The following MAGED1 variants were observed in gnomAD, a reference collection of about 807,000 sequenced individuals.
The protein encoded by MAGED1 is MAGE family member D1.
MAGED1 carries 3 observed loss-of-function variants against 54.1 expected under a neutral mutation model. The observed-to-expected ratio is 0.06, with a 90% confidence interval of 0.03 to 0.14. The LOEUF (loss-of-function observed/expected upper bound fraction) is 0.14, where lower values mean the gene tolerates loss of function less well. Ranked by LOEUF, MAGED1 falls within the 10% of genes least tolerant of loss-of-function variation. The pLI, the probability that MAGED1 is intolerant of heterozygous loss-of-function variation, is 1.00. For synonymous variants in MAGED1, 217 were observed against 227.3 expected, an observed-to-expected ratio of 0.95 and a Z score of 0.41; for missense variants, 485 against 623.4, an observed-to-expected ratio of 0.78 and a Z score of 2.36.
chrX:51,853,906 C>T lies in MAGED1; in HGVS notation c.-36-40363C>T, dbSNP rs1209573147. Reference sequence around the variant, plus strand: ...TGTTTCTTCTGTTTTATAGAGGACACATCTGATGCTCAGAAAAGTACAAAT... The same window carrying T: ...TGTTTCTTCTGTTTTATAGAGGACATATCTGATGCTCAGAAAAGTACAAAT... On this transcript the variant is annotated intron_variant, in intron 1 of 12. Transcript: ENST00000375772. Among the ~76,000 whole-genome samples, 4 of 112,055 alleles carry T rather than the reference C, an allele frequency of 3.6e-5. No individual in the cohort carries two copies. In the Admixed American group the frequency reaches 3.8e-4, roughly 11 times the overall value.
chrX:51,883,105 A>G lies in MAGED1; in HGVS notation c.-36-11164A>G, dbSNP rs186872628. Among the ~76,000 whole-genome samples, 365 of 111,585 alleles carry G rather than the reference A, an allele frequency of 3.3e-3. 2 individuals carry two copies. The highest frequency in any genetic ancestry group is 5.8e-3 in the Non-Finnish European group (309 of 53,151). On this transcript the variant is annotated intron_variant, in intron 1 of 12. Coordinates refer to the MAGED1 transcript ENST00000375772. ...GAGACTTCCACCCTTGCCAGCCTGT[A>G]ATAAGACCTCTAGTTCCCTGATAGA...
At chrX:51,888,266 T>C (rs1928310907) in intron 1 of MAGED1, among the ~76,000 whole-genome samples, 1 of 111,780 alleles carries the variant, frequency 8.9e-6, no homozygotes, top group African/African-American at 3.3e-5. Flanking sequence ...CCCATGAATA[T>C]ATATACCTAC....
chrX:51,812,973 T>G (rs781894182), intron 1 of MAGED1, among the ~76,000 whole-genome samples: 6 of 106,127 alleles, frequency 5.7e-5, no homozygotes, highest in Non-Finnish European at 1.2e-4. Context: ...GTATATATAA[T>G]AAAGAATCTC....
intron 1 of MAGED1, among the ~76,000 whole-genome samples, chrX:51,849,644 G>T (rs1019227415): frequency 9.0e-6 from 1 of 111,426 alleles, no homozygotes; most frequent in Non-Finnish European, 1.9e-5. Context: ...TATTGGTTGT[G>T]CCAGGTGTAT....
At chrX:51,845,604 A>G (rs1404164112) in intron 1 of MAGED1, among the ~76,000 whole-genome samples, 3 of 111,524 alleles carry the variant, frequency 2.7e-5, no homozygotes, top group Admixed American at 9.5e-5. Context: ...AGGATCCTTT[A>G]TATCTAGAGC....
At chrX:51,841,258 C>G (rs1926465252) in intron 1 of MAGED1, among the ~76,000 whole-genome samples, 1 of 111,120 alleles carries the variant, frequency 9.0e-6, no homozygotes, top group Non-Finnish European at 1.9e-5. Flanking sequence ...TGTTCATATC[C>G]TTCGCCCACT....
intron 1 of MAGED1, among the ~76,000 whole-genome samples, chrX:51,861,242 T>G (rs1311861218): frequency 8.9e-6 from 1 of 111,753 alleles, no homozygotes; most frequent in African/African-American, 3.3e-5. Flanking sequence ...TTGAATTTTT[T>G]TATTATAGTA....
chrX:51,831,592 G>A (rs965599066), intron 1 of MAGED1, among the ~76,000 whole-genome samples: 5 of 111,966 alleles, frequency 4.5e-5, no homozygotes, highest in African/African-American at 1.6e-4. Flanking sequence ...CAGCCTGGGC[G>A]ACAGAGTCAG....
At chrX:51,807,972 A>G (rs1359778258) in intron 1 of MAGED1, among the ~76,000 whole-genome samples, 2 of 111,830 alleles carry the variant, frequency 1.8e-5, no homozygotes, top group Non-Finnish European at 3.8e-5. Context: ...GATACCATCT[A>G]ACAGATCAGT....
Position 51,837,203 on chromosome X carries a change from C to T in MAGED1, c.-37+34086C>T, listed in dbSNP as rs782663255. Among the ~76,000 whole-genome samples the T allele has an allele frequency of 5.4e-5, 6 of 112,047 alleles. No individual in the cohort carries two copies. The East Asian group carries it at 1.4e-3, about 26-fold the overall frequency. On this transcript the variant is annotated intron_variant, in intron 1 of 12. Coordinates refer to the MAGED1 transcript ENST00000375772. Reference sequence around the variant, plus strand: ...AATAATTTGCTTTTTAATTTTTCAACAAGTTGGGTAAATGGTCCCTGTTAT... The same window carrying T: ...AATAATTTGCTTTTTAATTTTTCAATAAGTTGGGTAAATGGTCCCTGTTAT...
At chrX:51,822,621 T>C (rs782375808) in intron 1 of MAGED1, among the ~76,000 whole-genome samples, 10 of 110,993 alleles carry the variant, frequency 9.0e-5, no homozygotes, top group Admixed American at 7.7e-4. Context: ...GCTAGGGTCA[T>C]TGTTTTAGAT....
intron 1 of MAGED1, among the ~76,000 whole-genome samples, chrX:51,861,929 G>T: frequency 9.0e-6 from 1 of 111,536 alleles, no homozygotes. Context: ...TGATCTGCTC[G>T]CCTTGGCCTC....
At chrX:51,811,643 G>C (rs1925223915) in intron 1 of MAGED1, among the ~76,000 whole-genome samples, 1 of 111,656 alleles carries the variant, frequency 9.0e-6, no homozygotes. Context: ...AGGTGGGAAG[G>C]AGAGCAGTGA....
At chrX:51,818,783 A>G (rs1460939109) in intron 1 of MAGED1, among the ~76,000 whole-genome samples, 1 of 112,082 alleles carries the variant, frequency 8.9e-6, no homozygotes, top group South Asian at 3.7e-4. Flanking sequence ...ATTTGGGGAA[A>G]GAACTCTGAG....
At chrX:51,859,779 A>C (rs149176702) in intron 1 of MAGED1, among the ~76,000 whole-genome samples, 1,315 of 111,303 alleles carry the variant, frequency 0.012, 23 homozygotes, top group African/African-American at 0.04. Context: ...GTGAGGACTA[A>C]AGGAGAGGTC....
At chrX:51,894,611 T>G (rs1928619282) in intron 2 of MAGED1, 2 of 1,008,190 alleles carry the variant, frequency 2.0e-6, no homozygotes, top group Non-Finnish European at 2.7e-6. Flanking sequence ...AAGGAACCAT[T>G]TTTTTTTTTT....
At chrX:51,811,327 C>T (rs1031468037) in intron 1 of MAGED1, among the ~76,000 whole-genome samples, 1 of 112,030 alleles carries the variant, frequency 8.9e-6, no homozygotes, top group Non-Finnish European at 1.9e-5. Context: ...AACATGTCAT[C>T]TCTCTTTATT....
chrX:51,894,878 C>G (rs1194938394), intron 2 of MAGED1, 175 bp from the exon 3 acceptor site: 1 of 1,027,648 alleles, frequency 9.7e-7, no homozygotes, highest in African/African-American at 1.9e-5. Context: ...TAGTACCCGC[C>G]TGGTCCCCCA....
In MAGED1 at chrX:51,896,778, C is replaced by G; in HGVS notation, c.1123C>G (p.Gln375Glu). The G allele has an allele frequency of 8.3e-7, 1 of 1,210,650 alleles. No homozygotes were observed. Among genetic ancestry groups the G allele is most frequent in the Non-Finnish European group, 1.1e-6 (1 of 894,773 alleles). ...PVVWPNPLAW[Q>E]NPPGWQTPPG... ...TGTCTGGCCGAATCCACTGGCCTGGCAGAATCCACCTGGATGGCAGACTCC... is the reference window on the plus strand; with the variant it reads ...TGTCTGGCCGAATCCACTGGCCTGGGAGAATCCACCTGGATGGCAGACTCC... The change falls in exon 4 of 13, where the codon CAG (glutamine) becomes GAG (glutamate). Residue 375 changes from glutamine to glutamate, a missense_variant. This residue lies in a region of MAGED1 where 299 missense variants were observed against 293.1 expected (regional missense o/e 1.02). Transcript: ENST00000326587.
Sources: allele counts gnomAD v4.1 joint callset (sites outside exome capture counted in the v4.1 genomes callset), GRCh38; gene constraint gnomAD v4.1.1; regional missense constraint gnomAD v4.1.1; transcripts MANE v1.5; gene names NCBI Gene and HGNC (gene_info 2026-07-23, HGNC 2026-07-21).